WNK1: variants seen among roughly 807,000 people sequenced by gnomAD.
The protein encoded by WNK1 is serine/threonine-protein kinase WNK1.
A neutral mutation model predicts 222.8 loss-of-function variants in WNK1; 38 were observed. The ratio of observed to expected loss-of-function variants is 0.17; its 90% CI spans 0.13 to 0.22. The LOEUF is 0.22. Among genes scored for constraint, WNK1 ranks in the 10% least tolerant of loss-of-function variants. WNK1 has a pLI of 1.00. For synonymous variants in WNK1, 1,090 were observed against 1,092.9 expected (o/e 1.00, Z 0.05); for missense variants, 2,348 against 2,918.4 (o/e 0.80, Z 4.50).
chr12:856,060 G>A (rs541260161), intron 4 of WNK1, among the ~76,000 whole-genome samples: 4 of 151,590 alleles, frequency 2.6e-5, no homozygotes, highest in Non-Finnish European at 5.9e-5. Context: ...GGATGGTCTC[G>A]ATCTCTTGAC....
chr12:811,592 G>A (rs1946910280), intron 1 of WNK1, among the ~76,000 whole-genome samples: 1 of 152,030 alleles, frequency 6.6e-6, no homozygotes, highest in African/African-American at 2.4e-5. Context: ...AACCCCAGGT[G>A]TTCCTTCTGA....
Position 851,921 on chromosome 12 carries a change from T to C in WNK1, c.1312-5240T>C. 2.6e-6 allele frequency: 2 copies of C among 766,804 alleles called. 1 individual carries two copies. The highest frequency in any genetic ancestry group is 3.6e-6 in the Non-Finnish European group (2 of 562,504). The allele number at this position is 766,804 out of a possible 1,614,324, so 47.5% of individuals were successfully genotyped here. A position where few individuals can be genotyped will look rare whatever the true frequency, so the allele number is the denominator to read the frequency against. ...TTAACTTGAGAATGCTTTAAAAATATTTAGAGTTCTGTAATTTAGTGAATT... is the reference window on the plus strand; with the variant it reads ...TTAACTTGAGAATGCTTTAAAAATACTTAGAGTTCTGTAATTTAGTGAATT... On this transcript the variant is annotated intron_variant, in intron 4 of 27. Coordinates refer to ENST00000315939, the MANE Select transcript of WNK1 (RefSeq NM_018979.4).
At position 844,140 on chromosome 12, in the gene WNK1, A is replaced by T. The variant is rs888120922; in HGVS notation, c.1312-13021A>T. On this transcript the variant is annotated intron_variant, in intron 4 of 27. Coordinates refer to ENST00000315939, the MANE Select transcript of WNK1 (RefSeq NM_018979.4). ...TTAAAAATTTTCTTTATTTTATTTT[A>T]TTTTTTTTTGAGACGGGGTCTTGCT... 4.0e-5 allele frequency among the ~76,000 whole-genome samples: 6 copies of T among 149,280 alleles called. No homozygotes were observed. In the East Asian group the frequency reaches 5.9e-4, roughly 15 times the overall value.
chr12:880,017 G>C lies in WNK1; in HGVS notation c.2818G>C (p.Asp940His). The C allele has an allele frequency of 1.2e-6, 2 of 1,614,148 alleles. No individual in the cohort carries two copies. Among genetic ancestry groups the C allele is most frequent in the South Asian group, 2.2e-5 (2 of 91,080 alleles). ...QAAEVPLSSG[D>H]VLYQGFPPRL... Reference sequence around the variant, plus strand: ...TGCTGAGGTTCCACTTTCCTCTGGAGATGTTCTGTACCAGGTATTGTGTTA... The same window carrying C: ...TGCTGAGGTTCCACTTTCCTCTGGACATGTTCTGTACCAGGTATTGTGTTA... Residue 940 changes from aspartate (D) to histidine (H), a missense_variant, in exon 11 of 28, where the codon GAT (aspartate) becomes CAT (histidine). Coordinates refer to ENST00000315939, the MANE Select transcript of WNK1 (RefSeq NM_018979.4).
chr12:893,266 A>C (rs1954430552), intron 22 of WNK1, among the ~76,000 whole-genome samples: 1 of 152,088 alleles, frequency 6.6e-6, no homozygotes, highest in Non-Finnish European at 1.5e-5. Flanking sequence ...CAGGGAAAAA[A>C]GAAAAGAAAT....
At chr12:776,171 C>T (rs1943061310) in intron 1 of WNK1, among the ~76,000 whole-genome samples, 1 of 151,920 alleles carries the variant, frequency 6.6e-6, no homozygotes, top group South Asian at 2.1e-4. Context: ...GTAGCTGGGA[C>T]TACAGGCATG....
rs1255423977 is a variant in WNK1 at position 827,719 on chromosome 12, G to A, written c.1153+457G>A. Among the ~76,000 whole-genome samples, 1 of 151,980 alleles carries A rather than the reference G, an allele frequency of 6.6e-6. No individual in the cohort carries two copies. Among genetic ancestry groups the A allele is most frequent in the Admixed American group, 6.6e-5 (1 of 15,256 alleles). On this transcript the variant is annotated intron_variant, in intron 3 of 27. Coordinates refer to ENST00000315939, the MANE Select transcript of WNK1 (RefSeq NM_018979.4). This position sits in a 1 kb window ranked among gnomAD's most constrained non-coding sequence, Gnocchi z 4.6. ...AATTTTTGTATTTTTAGTAGAAATGGGGTTTCACCGTGTTGGCCAGGCTGG... is the reference window on the plus strand; with the variant it reads ...AATTTTTGTATTTTTAGTAGAAATGAGGTTTCACCGTGTTGGCCAGGCTGG...
At chr12:838,935 G>A (rs1949409639) in intron 4 of WNK1, among the ~76,000 whole-genome samples, 1 of 152,082 alleles carries the variant, frequency 6.6e-6, no homozygotes, top group African/African-American at 2.4e-5. Context: ...TCTCTTCTAT[G>A]TTCCAGACTG....
At chr12:869,913 T>C (rs1951999396) in intron 8 of WNK1, among the ~76,000 whole-genome samples, 1 of 152,118 alleles carries the variant, frequency 6.6e-6, no homozygotes. Context: ...TTTTAGTTAT[T>C]TATGTGTATG....
At chr12:796,336 A>G (rs1945310031) in intron 1 of WNK1, among the ~76,000 whole-genome samples, 2 of 152,146 alleles carry the variant, frequency 1.3e-5, no homozygotes, top group Non-Finnish European at 2.9e-5. Context: ...GCTACTTGTC[A>G]TGTATTTTTC....
rs1955903090 is a variant in WNK1 at position 908,699 on chromosome 12, A to G, written c.7056A>G (p.Gln2352=). 6.2e-7 allele frequency: 1 copy of G among 1,614,132 alleles called. No individual in the cohort carries two copies. The change falls in exon 28 of 28, where the codon CAA becomes CAG. Residue 2352 remains glutamine (Q), a synonymous_variant. Transcript: ENST00000315939. ...GPAPQPLGQF[Q]PVGTASLQNF... ...CACCACAGCCACTTGGCCAGTTCCA[A>G]CCTGTGGGAACTGCCTCCTTGCAGA...
chr12:788,693 C>G (rs1016063889), intron 1 of WNK1, among the ~76,000 whole-genome samples: 6 of 151,832 alleles, frequency 4.0e-5, no homozygotes, highest in African/African-American at 1.5e-4. Context: ...TTGAGACAAG[C>G]CTGGCCAAAA....
chr12:908,422 C>T, intron 27 of WNK1, 53 bp from the exon 28 acceptor site: 1 of 1,570,084 alleles, frequency 6.4e-7, no homozygotes, highest in Non-Finnish European at 8.8e-7. Flanking sequence ...TAGCGCCACA[C>T]ATTTTATACC....
In WNK1 at chr12:825,085, C is replaced by T. The variant is rs150607744; in HGVS notation, c.933-1957C>T. Among the ~76,000 whole-genome samples the T allele has an allele frequency of 9.9e-4, 150 of 152,208 alleles. 2 individuals are homozygous for T. Among genetic ancestry groups the T allele is most frequent in the South Asian group, 7.5e-3 (36 of 4,816 alleles). On this transcript the variant is annotated intron_variant, in intron 2 of 27. Transcript: ENST00000315939. ...CAGGATAGAATAAATTATTATTGTA[C>T]GATTGAATGAGTTTTGACAAGGCAT...
chr12:878,511 G>A, intron 10 of WNK1, 150 bp downstream of exon 10: 1 of 870,968 alleles, frequency 1.1e-6, no homozygotes, highest in South Asian at 1.6e-5. Flanking sequence ...TAATCTCATT[G>A]CAGAAATGAA....
chr12:832,071 TTTTA>T (rs1290082991), intron 4 of WNK1, among the ~76,000 whole-genome samples: 2 of 152,050 alleles, frequency 1.3e-5, no homozygotes, highest in African/African-American at 4.8e-5. Context: ...ATTTTTAATT[TTTTA>T]TTTATTTATT....
chr12:885,404 C>T lies in WNK1; in HGVS notation c.4600C>T (p.His1534Tyr). 2 of 1,613,706 alleles carry T rather than the reference C, an allele frequency of 1.2e-6. No individual in the cohort carries two copies. The highest frequency in any genetic ancestry group is 1.7e-6 in the Non-Finnish European group (2 of 1,180,036). The change falls in exon 19 of 28, where the codon CAT (histidine) becomes TAT (tyrosine). Residue 1534 changes from histidine (H) to tyrosine (Y), a missense_variant. Physicochemically the swap from His to Tyr is moderately conservative, Grantham distance 83 (BLOSUM62 2). Transcript: ENST00000315939. ...CGCACACTCACTAGATAAGACATCT[C>T]ATAGCAGTACAACTGGATTGGCTTT... ...VSAHSLDKTS[H>Y]SSTTGLAFSL... is the part of the protein sequence containing the mutation.
chr12:799,378 G>A (rs559213167), intron 1 of WNK1, among the ~76,000 whole-genome samples: 1 of 151,388 alleles, frequency 6.6e-6, no homozygotes, highest in Non-Finnish European at 1.5e-5. Flanking sequence ...CAATCTGGCT[G>A]CCTTGGCCTC....
intron 8 of WNK1, among the ~76,000 whole-genome samples, chr12:869,547 G>A (rs1245245785): frequency 6.6e-6 from 1 of 152,026 alleles, no homozygotes; most frequent in Non-Finnish European, 1.5e-5. Context: ...GGAAAATAGG[G>A]AATGCTGTTT....
Sources: gnomAD v4.1 joint callset for allele counts (sites outside exome capture counted in the v4.1 genomes callset) on GRCh38, gnomAD v4.1.1 for gene constraint, Gnocchi (gnomAD v3.1) non-coding constraint, MANE v1.5 for transcripts, NCBI Gene and HGNC (gene_info 2026-07-23, HGNC 2026-07-21) for gene names.